TRAPPC5: variants seen among roughly 807,000 people sequenced by gnomAD.
The protein encoded by TRAPPC5 is trafficking protein particle complex 5.
In TRAPPC5, 5 loss-of-function variants were observed where a neutral mutation model predicts 9.8. The ratio of observed to expected loss-of-function variants is 0.51; its 90% CI spans 0.27 to 1.07. TRAPPC5 has a LOEUF of 1.07. TRAPPC5 is among the 50% of genes least tolerant of loss of function. The pLI, the probability that TRAPPC5 is intolerant of heterozygous loss-of-function variation, is 0.12. For synonymous variants in TRAPPC5, 146 were observed against 140.7 expected (o/e 1.04, Z -0.26); for missense variants, 243 against 291.5 (o/e 0.83, Z 1.21).
In TRAPPC5 at chr19:7,682,573, A is replaced by G; in HGVS notation, c.320A>G (p.Gln107Arg). The G allele has an allele frequency of 6.2e-7, 1 of 1,612,712 alleles. No homozygotes were observed. The highest frequency in any genetic ancestry group is 8.5e-7 in the Non-Finnish European group (1 of 1,179,990). ...LFGKEADKLE[Q>R]ANDDARTFYI... is the part of the protein sequence containing the mutation. ...GGCAAGGAGGCGGACAAGCTGGAGC[A>G]GGCCAACGATGACGCGCGCACCTTC... The change falls in exon 2 of 2, where the codon CAG becomes CGG. Residue 107 changes from glutamine to arginine, a missense_variant. Gln to Arg is a conservative substitution (Grantham distance 43, BLOSUM62 1). Coordinates refer to ENST00000596148, the MANE Select transcript of TRAPPC5 (RefSeq NM_001042462.2). The surrounding 1 kb of genome is among the most constrained non-coding windows in gnomAD (Gnocchi z 8.6).
rs2032632889 is a variant in TRAPPC5 at position 7,681,359 on chromosome 19, C to T, written c.-13+481C>T. Among the ~76,000 whole-genome samples the T allele has an allele frequency of 6.6e-6, 1 of 152,166 alleles. No individual in the cohort carries two copies. Among genetic ancestry groups the T allele is most frequent in the Non-Finnish European group, 1.5e-5 (1 of 68,016 alleles). On this transcript the variant is annotated intron_variant, in intron 1 of 1. Coordinates refer to ENST00000596148, the MANE Select transcript of TRAPPC5 (RefSeq NM_001042462.2). This position sits in a 1 kb window ranked among gnomAD's most constrained non-coding sequence, Gnocchi z 8.7. ...CCGTCTCGGCGCCCGCTCCCCACCC[C>T]ATTTCTCTTCAGGAGCCCCCTACCC...
At chr19:7,680,908 C>G (rs897417894) in intron 1 of TRAPPC5, 30 bp downstream of exon 1, 5 of 152,238 alleles carry the variant, frequency 3.3e-5, no homozygotes, top group Non-Finnish European at 7.3e-5. Flanking sequence ...CCTGCCCGCG[C>G]CGGGCCTCGT....
chr19:7,686,616 TCTC>T lies in TRAPPC5; in HGVS notation c.*3799_*3801del, dbSNP rs2032720313. The T allele has an allele frequency of 1.3e-5, 2 of 151,272 alleles. No individual in the cohort carries two copies. The highest frequency in any genetic ancestry group is 1.3e-4 in the Admixed American group (2 of 15,194). The allele number at this position is 151,272 out of a possible 1,614,324, so 9.4% of individuals were successfully genotyped here. Reference sequence around the variant, plus strand: ...TCTCAGCCTCCTGGGTTCAAGCAATTCTCCTGCTTCAGCCTCCTGAATAGTTGG... The same window carrying T: ...TCTCAGCCTCCTGGGTTCAAGCAATTCTGCTTCAGCCTCCTGAATAGTTGG... On this transcript the variant is annotated 3_prime_UTR_variant, in exon 2 of 2. Coordinates refer to ENST00000596148, the MANE Select transcript of TRAPPC5 (RefSeq NM_001042462.2).
At position 7,687,579 on chromosome 19, in the gene TRAPPC5, C is replaced by T. The variant is rs1481005317; in HGVS notation, c.*4759C>T. 1 of 152,394 alleles carries T rather than the reference C, an allele frequency of 6.6e-6. No individual in the cohort carries two copies. 9.4% of individuals were successfully genotyped at this position (152,394 alleles called of 1,614,324 possible). A position where few individuals can be genotyped will look rare whatever the true frequency, so the allele number is the denominator to read the frequency against. On this transcript the variant is annotated 3_prime_UTR_variant, in exon 2 of 2. Coordinates refer to ENST00000596148, the MANE Select transcript of TRAPPC5 (RefSeq NM_001042462.2). The stretch of plus-strand genomic sequence containing the variant: ...ATGAGTCAACTCACGCCCTCCCGGC[C>T]TCAGGGTGATCCACCGCCTTCCCCT...
In TRAPPC5 at chr19:7,682,418, C is replaced by A. The variant is rs775787559; in HGVS notation, c.165C>A (p.Ala55=). 5.2e-5 allele frequency: 82 copies of A among 1,591,338 alleles called. No individual in the cohort carries two copies. Among genetic ancestry groups the A allele is most frequent in the Non-Finnish European group, 7.0e-5 (82 of 1,169,924 alleles). Residue 55 remains alanine (A), a synonymous_variant, in exon 2 of 2, where the codon GCC becomes GCA. Transcript: ENST00000596148. This position sits in a 1 kb window ranked among gnomAD's most constrained non-coding sequence, Gnocchi z 8.6. ...TGGCCGAGCTGCAGTCGCGCCTGGC[C>A]GCGCTGGGCCGCCAGGTGGGCGCGC... ...FSVAELQSRL[A]ALGRQVGARV... is the part of the protein sequence containing the mutation.
chr19:7,681,959 C>T lies in TRAPPC5; in HGVS notation c.-12-283C>T, dbSNP rs747923044. On this transcript the variant is annotated intron_variant, in intron 1 of 1. Transcript: ENST00000596148. The surrounding 1 kb of genome is among the most constrained non-coding windows in gnomAD (Gnocchi z 8.7). ...GAGGGTTGGGTGGTTTCGGCCTCCTCTTCTGTTCCCCCTCGTGTCTCTCCT... is the reference window on the plus strand; with the variant it reads ...GAGGGTTGGGTGGTTTCGGCCTCCTTTTCTGTTCCCCCTCGTGTCTCTCCT... Among the ~76,000 whole-genome samples, 18 of 152,270 alleles carry T rather than the reference C, an allele frequency of 1.2e-4. No homozygotes were observed. Among genetic ancestry groups the T allele is most frequent in the African/African-American group, 4.3e-4 (18 of 41,570 alleles).
At position 7,682,784 on chromosome 19, in the gene TRAPPC5, A is replaced by G; in HGVS notation, c.531A>G (p.Ala177=). The change falls in exon 2 of 2, where the codon GCA becomes GCG. Residue 177 remains alanine, a synonymous_variant. Coordinates refer to ENST00000596148, the MANE Select transcript of TRAPPC5 (RefSeq NM_001042462.2). This position sits in a 1 kb window ranked among gnomAD's most constrained non-coding sequence, Gnocchi z 8.6. ...GTTLMIKFEE[A]VIARDRALEG... ...CGCTCATGATCAAGTTCGAGGAGGC[A>G]GTCATCGCTCGAGACCGGGCCCTGG... is the stretch of plus-strand genomic sequence containing the variant. The G allele has an allele frequency of 6.2e-7, 1 of 1,609,246 alleles. No homozygotes were observed.
chr19:7,682,705 TCA>T lies in TRAPPC5; in HGVS notation c.459_460del (p.His153GlnfsTer97), dbSNP rs2146258946. On this transcript the variant is annotated frameshift_variant, in exon 2 of 2. Coordinates refer to ENST00000596148, the MANE Select transcript of TRAPPC5 (RefSeq NM_001042462.2). LOFTEE classifies it high-confidence loss of function. This position sits in a 1 kb window ranked among gnomAD's most constrained non-coding sequence, Gnocchi z 8.6. ...ACGGCGGGCATCGTGGAGGCGGTGC[TCA>T]CACACAGCGGCTTCCCTGCCAAGGT... The T allele has an allele frequency of 1.2e-6, 2 of 1,613,068 alleles. No individual in the cohort carries two copies. Among genetic ancestry groups the T allele is most frequent in the East Asian group, 2.2e-5 (1 of 44,850 alleles).
Position 7,682,830 on chromosome 19 carries a change from A to T in TRAPPC5, c.*10A>T. On this transcript the variant is annotated 3_prime_UTR_variant, in exon 2 of 2. Coordinates refer to ENST00000596148, the MANE Select transcript of TRAPPC5 (RefSeq NM_001042462.2). The surrounding 1 kb of genome is among the most constrained non-coding windows in gnomAD (Gnocchi z 8.6). ...CCTGGAGGGCCGCTGACCCTGCCGG[A>T]GATAAAGGATACAGAGAGCCCCTCC... 6.4e-7 allele frequency: 1 copy of T among 1,572,818 alleles called. No individual in the cohort carries two copies. Among genetic ancestry groups the T allele is most frequent in the Non-Finnish European group, 8.6e-7 (1 of 1,156,620 alleles).
At position 7,684,166 on chromosome 19, in the gene TRAPPC5, C is replaced by T. The variant is rs1296791087; in HGVS notation, c.*1346C>T. ...ATGCAGTCTCAGGCCCACCCCAGAGCTGCTGAATCTGAGGGTGCATTTTAG... is the reference window on the plus strand; with the variant it reads ...ATGCAGTCTCAGGCCCACCCCAGAGTTGCTGAATCTGAGGGTGCATTTTAG... On this transcript the variant is annotated 3_prime_UTR_variant, in exon 2 of 2. Coordinates refer to ENST00000596148, the MANE Select transcript of TRAPPC5 (RefSeq NM_001042462.2). The T allele has an allele frequency of 6.6e-6, 1 of 152,192 alleles. No homozygotes were observed. Among genetic ancestry groups the T allele is most frequent in the African/African-American group, 2.4e-5 (1 of 41,458 alleles). 9.4% of individuals were successfully genotyped at this position (152,192 alleles called of 1,614,324 possible).
In TRAPPC5 at chr19:7,682,661, G is replaced by T. The variant is rs751774315; in HGVS notation, c.408G>T (p.Thr136=). 6.2e-7 allele frequency: 1 copy of T among 1,613,852 alleles called. No individual in the cohort carries two copies. Among genetic ancestry groups the T allele is most frequent in the East Asian group, 2.2e-5 (1 of 44,886 alleles). ...TCTCCGTGCCCAAGGAGAACAGCACGCTCAACTGCGCCAGCTTCACGGCGG... is the reference window on the plus strand; with the variant it reads ...TCTCCGTGCCCAAGGAGAACAGCACTCTCAACTGCGCCAGCTTCACGGCGG... ...TYISVPKENS[T]LNCASFTAGI... The change falls in exon 2 of 2, where the codon ACG becomes ACT. Residue 136 remains threonine (T), a synonymous_variant. Transcript: ENST00000596148. This position sits in a 1 kb window ranked among gnomAD's most constrained non-coding sequence, Gnocchi z 8.6.
chr19:7,683,598 G>A lies in TRAPPC5; in HGVS notation c.*778G>A, dbSNP rs1180255341. 1 of 152,114 alleles carries A rather than the reference G, an allele frequency of 6.6e-6. No homozygotes were observed. The highest frequency in any genetic ancestry group is 1.5e-5 in the Non-Finnish European group (1 of 68,040). The allele number at this position is 152,114 out of a possible 1,614,324, so 9.4% of individuals were successfully genotyped here. The stretch of plus-strand genomic sequence containing the variant: ...CATGTAAAGGAGTGGGTGTCACCGT[G>A]TGCCTAGAAAACAGGCAGAGGGAGA... On this transcript the variant is annotated 3_prime_UTR_variant, in exon 2 of 2. Coordinates refer to ENST00000596148, the MANE Select transcript of TRAPPC5 (RefSeq NM_001042462.2).
Position 7,682,831 on chromosome 19 carries a change from G to A in TRAPPC5, c.*11G>A, listed in dbSNP as rs544574516. On this transcript the variant is annotated 3_prime_UTR_variant, in exon 2 of 2. Transcript: ENST00000596148. This position sits in a 1 kb window ranked among gnomAD's most constrained non-coding sequence, Gnocchi z 8.6. ...CTGGAGGGCCGCTGACCCTGCCGGA[G>A]ATAAAGGATACAGAGAGCCCCTCCC... The A allele has an allele frequency of 6.4e-7, 1 of 1,569,802 alleles. No individual in the cohort carries two copies. Among genetic ancestry groups the A allele is most frequent in the South Asian group, 1.2e-5 (1 of 85,974 alleles).
Position 7,682,440 on chromosome 19 carries a change from G to C in TRAPPC5, c.187G>C (p.Ala63Pro), listed in dbSNP as rs751359906. 1 of 1,604,284 alleles carries C rather than the reference G, an allele frequency of 6.2e-7. No individual in the cohort carries two copies. Among genetic ancestry groups the C allele is most frequent in the South Asian group, 1.1e-5 (1 of 90,178 alleles). Residue 63 changes from alanine (A) to proline (P), a missense_variant, in exon 2 of 2, where the codon GCG (alanine) becomes CCG (proline). By Grantham distance (27) the Ala-to-Pro change is conservative (BLOSUM62 -1). This residue lies in a region of TRAPPC5 where 154 missense variants were observed against 215.8 expected (regional missense o/e 0.71). Coordinates refer to ENST00000596148, the MANE Select transcript of TRAPPC5 (RefSeq NM_001042462.2). This position sits in a 1 kb window ranked among gnomAD's most constrained non-coding sequence, Gnocchi z 8.6. ...RLAALGRQVGARVLDALVARE... is the reference protein window; with the variant it reads ...RLAALGRQVGPRVLDALVARE... ...GGCCGCGCTGGGCCGCCAGGTGGGCGCGCGCGTGCTGGATGCGCTGGTGGC... is the reference window on the plus strand; with the variant it reads ...GGCCGCGCTGGGCCGCCAGGTGGGCCCGCGCGTGCTGGATGCGCTGGTGGC...
At position 7,683,218 on chromosome 19, in the gene TRAPPC5, T is replaced by G. The variant is rs556952387; in HGVS notation, c.*398T>G. 2.2e-3 allele frequency: 403 copies of G among 185,466 alleles called. 1 individual carries two copies. Among genetic ancestry groups the G allele is most frequent in the Non-Finnish European group, 3.8e-3 (336 of 89,126 alleles). 11.5% of individuals were successfully genotyped at this position (185,466 alleles called of 1,614,324 possible). On this transcript the variant is annotated 3_prime_UTR_variant, in exon 2 of 2. Coordinates refer to ENST00000596148, the MANE Select transcript of TRAPPC5 (RefSeq NM_001042462.2). Reference sequence around the variant, plus strand: ...AATATTTTATGCCATGTGGTCTTTATTATTATTTTTTTTATTTGTTGAGAT... The same window carrying G: ...AATATTTTATGCCATGTGGTCTTTAGTATTATTTTTTTTATTTGTTGAGAT...
In TRAPPC5 at chr19:7,682,289, G is replaced by C; in HGVS notation, c.36G>C (p.Leu12=). 2.1e-6 allele frequency: 3 copies of C among 1,451,450 alleles called. No individual in the cohort carries two copies. Among genetic ancestry groups the C allele is most frequent in the Non-Finnish European group, 2.7e-6 (3 of 1,111,168 alleles). 89.9% of individuals were successfully genotyped at this position (1,451,450 alleles called of 1,614,324 possible). A position where few individuals can be genotyped will look rare whatever the true frequency, so the allele number is the denominator to read the frequency against. Residue 12 remains leucine, a synonymous_variant, in exon 2 of 2, where the codon CTG becomes CTC. Transcript: ENST00000596148. The surrounding 1 kb of genome is among the most constrained non-coding windows in gnomAD (Gnocchi z 8.6). The part of the protein sequence containing the change: ...EARFTRGKSA[L]LERALARPRT... ...GCTTCACGCGCGGGAAGTCGGCGCT[G>C]CTGGAGCGCGCGCTGGCGCGGCCGC...
Position 7,682,540 on chromosome 19 carries a change from C to T in TRAPPC5, c.287C>T (p.Ala96Val), listed in dbSNP as rs780086471. 3.7e-6 allele frequency: 6 copies of T among 1,612,768 alleles called. No homozygotes were observed. The highest frequency in any genetic ancestry group is 1.6e-4 in the Middle Eastern group (1 of 6,084). ...LLFVKGAVWK[A>V]LFGKEADKLE... ...TTCGTCAAGGGCGCCGTGTGGAAGG[C>T]GCTCTTCGGCAAGGAGGCGGACAAG... Residue 96 changes from alanine to valine, a missense_variant, in exon 2 of 2, where the codon GCG becomes GTG. Physicochemically the swap from Ala to Val is moderately conservative, Grantham distance 64 (BLOSUM62 0). Transcript: ENST00000596148. This position sits in a 1 kb window ranked among gnomAD's most constrained non-coding sequence, Gnocchi z 8.6.
rs1164667221 is a variant in TRAPPC5, at chr19:7,683,689, TGGAGTGCA to T, written c.*871_*878del. On this transcript the variant is annotated 3_prime_UTR_variant, in exon 2 of 2. Transcript: ENST00000596148. ...CAGGGTTTTGTTCTGTCGCCCAGGC[TGGAGTGCA>T]GTGGCAGCATCTCGGCTTCGGCTCA... 6.6e-6 allele frequency: 1 copy of T among 152,212 alleles called. No individual in the cohort carries two copies. The highest frequency in any genetic ancestry group is 1.5e-5 in the Non-Finnish European group (1 of 68,058). 9.4% of individuals were successfully genotyped at this position (152,212 alleles called of 1,614,324 possible).
At position 7,681,518 on chromosome 19, in the gene TRAPPC5, GCC is replaced by G. The variant is rs1203566936; in HGVS notation, c.-13+642_-13+643del. 1.3e-5 allele frequency among the ~76,000 whole-genome samples: 2 copies of G among 152,130 alleles called. No homozygotes were observed. Among genetic ancestry groups the G allele is most frequent in the Non-Finnish European group, 2.9e-5 (2 of 68,020 alleles). ...CCTCCTCCCAGCCTTCAGAACCCAG[GCC>G]CATCCGCGTCTCAAAGGACGAAGGG... On this transcript the variant is annotated intron_variant, in intron 1 of 1. Transcript: ENST00000596148. This position sits in a 1 kb window ranked among gnomAD's most constrained non-coding sequence, Gnocchi z 8.7.
Sources: gnomAD v4.1 joint callset for allele counts (sites outside exome capture counted in the v4.1 genomes callset) on GRCh38, gnomAD v4.1.1 for gene constraint, gnomAD v4.1.1 regional missense constraint, Gnocchi (gnomAD v3.1) non-coding constraint, MANE v1.5 for transcripts, NCBI Gene and HGNC (gene_info 2026-07-23, HGNC 2026-07-21) for gene names.